Variants in DNAH12 observed in about 807,000 individuals in gnomAD.
The protein encoded by DNAH12 is dynein axonemal heavy chain 12.
A neutral mutation model predicts 371.5 loss-of-function variants in DNAH12; 285 were observed. The ratio of observed to expected loss-of-function variants is 0.77; its 90% CI spans 0.70 to 0.85. DNAH12 has a LOEUF of 0.85. Ranked by LOEUF, DNAH12 falls within the 40% of genes least tolerant of loss-of-function variation. The pLI is 0.00. For synonymous variants in DNAH12, 1,200 were observed against 1,213.0 expected, an observed-to-expected ratio of 0.99 and a Z score of 0.22; for missense variants, 3,611 against 3,689.4, an observed-to-expected ratio of 0.98 and a Z score of 0.55.
rs1288906177 is a variant in DNAH12 at position 57,385,372 on chromosome 3, T to G, written c.7660A>C (p.Ile2554Leu). ...ACCTGCATCATATTTGCATTTTCAA[T>G]TTTAGCTTCCTCCAATTTGGGCTGT... The part of the protein sequence containing the change: ...ELQPKLEEAK[I>L]ENANMMQVIE... Residue 2554 changes from isoleucine (I) to leucine (L), a missense_variant, in exon 48 of 74, where the codon ATT becomes CTT. Ile to Leu is a conservative substitution (Grantham distance 5, BLOSUM62 2). Around this residue, in one of 3 missense-constraint regions of DNAH12, gnomAD observed 2,266 missense variants for 2,236.9 expected, o/e 1.01. Transcript: ENST00000495027. The G allele has an allele frequency of 6.6e-6, 1 of 152,208 alleles. No individual in the cohort carries two copies. The highest frequency in any genetic ancestry group is 1.5e-5 in the Non-Finnish European group (1 of 68,028). 9.4% of individuals were successfully genotyped at this position (152,208 alleles called of 1,614,324 possible).
At position 57,462,670 on chromosome 3, in the gene DNAH12, C is replaced by T. The variant is rs772608610; in HGVS notation, c.2535+20G>A. 10 of 1,539,968 alleles carry T rather than the reference C, an allele frequency of 6.5e-6. No homozygotes were observed. The South Asian group carries it at 1.2e-4, about 19-fold the overall frequency. On this transcript the variant is annotated intron_variant, in intron 18 of 73. Transcript: ENST00000495027. ...AACGAAGTCATCACATAAAGTATTT[C>T]AGTTGATCTTTATGTTTACCTTGCT... is the stretch of plus-strand genomic sequence containing the variant.
At chr3:57,441,516 A>T (rs1490234476) in intron 29 of DNAH12, among the ~76,000 whole-genome samples, 1 of 152,184 alleles carries the variant, frequency 6.6e-6, no homozygotes, top group African/African-American at 2.4e-5. Context: ...TAATTACTGA[A>T]TATTTTCTGG....
At chr3:57,445,551 T>G (rs1396881592) in intron 27 of DNAH12, 132 bp from the exon 28 acceptor site, 1 of 805,422 alleles carries the variant, frequency 1.2e-6, no homozygotes, top group East Asian at 3.3e-5. Context: ...AACTCTAATT[T>G]TTTTTAGTAG....
the DNAH12 span, among the ~76,000 whole-genome samples, chr3:57,554,524 T>G: frequency 6.6e-6 from 1 of 152,164 alleles, no homozygotes; most frequent in South Asian, 2.1e-4. Flanking sequence ...CATATCTTTC[T>G]TATCTGCTAC....
At chr3:57,419,026 G>C (rs999574543) in intron 37 of DNAH12, among the ~76,000 whole-genome samples, 4 of 152,192 alleles carry the variant, frequency 2.6e-5, no homozygotes, top group Non-Finnish European at 5.9e-5. Context: ...TGTGGATCAT[G>C]GTTACTTTGA....
At chr3:57,340,708 G>A (rs781924835) in intron 60 of DNAH12, among the ~76,000 whole-genome samples, 17 of 152,112 alleles carry the variant, frequency 1.1e-4, no homozygotes, top group Non-Finnish European at 2.5e-4. Flanking sequence ...CTTCACTGCT[G>A]AATTCTACCA....
At chr3:57,423,808 C>T (rs1158850467) in intron 35 of DNAH12, among the ~76,000 whole-genome samples, 1 of 152,096 alleles carries the variant, frequency 6.6e-6, no homozygotes, top group Non-Finnish European at 1.5e-5. Context: ...GGCTGGATGC[C>T]TATTCCTGGT....
intron 12 of DNAH12, among the ~76,000 whole-genome samples, chr3:57,488,440 C>T (rs1217257096): frequency 6.6e-6 from 1 of 152,122 alleles, no homozygotes; most frequent in Non-Finnish European, 1.5e-5. Flanking sequence ...GATTCGCCCT[C>T]CTCGGCCTCC....
At chr3:57,427,260 T>C (rs968056355) in intron 34 of DNAH12, among the ~76,000 whole-genome samples, 10 of 151,562 alleles carry the variant, frequency 6.6e-5, no homozygotes, top group African/African-American at 2.4e-4. Context: ...TGATCTTATA[T>C]GGAAAAAGGT....
intron 23 of DNAH12, among the ~76,000 whole-genome samples, chr3:57,454,308 C>T (rs1009018164): frequency 1.6e-4 from 24 of 151,972 alleles, no homozygotes; most frequent in African/African-American, 4.8e-4. Flanking sequence ...TGGATAAACC[C>T]CATCTCAACT....
intron 45 of DNAH12, among the ~76,000 whole-genome samples, chr3:57,389,946 C>G (rs1194697990): frequency 6.7e-6 from 1 of 149,458 alleles, no homozygotes; most frequent in African/African-American, 2.4e-5. Context: ...AGCAATTCTC[C>G]TGCCTCAGCC....
At chr3:57,448,464 G>T (rs1021884850) in intron 25 of DNAH12, among the ~76,000 whole-genome samples, 1 of 152,160 alleles carries the variant, frequency 6.6e-6, no homozygotes, top group Non-Finnish European at 1.5e-5. Context: ...GTTCCTCCCA[G>T]GGGGGCTCGT....
At chr3:57,384,580 G>A (rs1276573630) in intron 49 of DNAH12, among the ~76,000 whole-genome samples, 2 of 152,104 alleles carry the variant, frequency 1.3e-5, no homozygotes, top group Non-Finnish European at 2.9e-5. Flanking sequence ...GGAGATGGAG[G>A]CTGCAGTGGG....
Position 57,433,845 on chromosome 3 carries a change from A to G in DNAH12, c.4656-17T>C. On this transcript the variant is annotated splice_polypyrimidine_tract_variant and intron_variant, in intron 30 of 73. Transcript: ENST00000495027. Reference sequence around the variant, plus strand: ...AACATAAAACTATGAAGGAAAAGAAATAATTATACAATAAGAGTCTTTAAA... The same window carrying G: ...AACATAAAACTATGAAGGAAAAGAAGTAATTATACAATAAGAGTCTTTAAA... 2.7e-6 allele frequency: 4 copies of G among 1,506,686 alleles called. No individual in the cohort carries two copies. Among genetic ancestry groups the G allele is most frequent in the Non-Finnish European group, 3.5e-6 (4 of 1,131,926 alleles). 93.3% of individuals were successfully genotyped at this position (1,506,686 alleles called of 1,614,324 possible).
chr3:57,479,608 C>G (rs1296664598), intron 13 of DNAH12, among the ~76,000 whole-genome samples: 1 of 152,186 alleles, frequency 6.6e-6, no homozygotes, highest in Non-Finnish European at 1.5e-5. Context: ...CCCAAATCAA[C>G]AGAATATACA....
rs1448076331 is a variant in DNAH12, at chr3:57,383,671, G to A, written c.7860+1158C>T. Among the ~76,000 whole-genome samples the A allele has an allele frequency of 3.5e-5, 5 of 142,214 alleles. No homozygotes were observed. The East Asian group carries it at 1.1e-3, about 31-fold the overall frequency. The allele number at this position is 142,214 out of a possible 152,430, so 93.3% of individuals were successfully genotyped here. ...CTGAGTTGGGGTGGGGGGCGGGGGG[G>A]ATTACTTTAGCCCAAAAGTTTCAGG... On this transcript the variant is annotated intron_variant, in intron 49 of 73. Coordinates refer to ENST00000495027, the MANE Select transcript of DNAH12 (RefSeq NM_001366028.2).
At position 57,462,874 on chromosome 3, in the gene DNAH12, T is replaced by C. The variant is rs1197074166; in HGVS notation, c.2351A>G (p.Glu784Gly). The C allele has an allele frequency of 7.1e-6, 11 of 1,548,494 alleles. No homozygotes were observed. The South Asian group carries it at 1.3e-4, about 18-fold the overall frequency. Residue 784 changes from glutamate to glycine, a missense_variant and splice_region_variant, in exon 18 of 74, where the codon GAA becomes GGA. Transcript: ENST00000495027. The stretch of plus-strand genomic sequence containing the variant: ...CAGAATGGAGACAGTAGGAATATAT[T>C]CCTAATGGCAAAAATATAAACAATT... ...TVMEQIKAFK[E>G]YIPTVSILCN...
intron 12 of DNAH12, among the ~76,000 whole-genome samples, chr3:57,487,865 A>T (rs543523150): frequency 1.1e-4 from 10 of 90,662 alleles, no homozygotes; most frequent in African/African-American, 3.9e-4. Context: ...TAAACTTATA[A>T]AGTGTTTTTT....
intron 4 of DNAH12, among the ~76,000 whole-genome samples, chr3:57,521,886 T>C (rs2068462243): frequency 6.6e-6 from 1 of 151,142 alleles, no homozygotes; most frequent in Non-Finnish European, 1.5e-5. Flanking sequence ...AGACTGTGTC[T>C]CAAAAAAGAG....
Sources: gnomAD v4.1 joint callset for allele counts (sites outside exome capture counted in the v4.1 genomes callset) on GRCh38, gnomAD v4.1.1 for gene constraint, gnomAD v4.1.1 regional missense constraint, MANE v1.5 for transcripts, NCBI Gene and HGNC (gene_info 2026-07-23, HGNC 2026-07-21) for gene names.